RPS6KA2: variants seen among roughly 807,000 people sequenced by gnomAD.
The protein encoded by RPS6KA2 is ribosomal protein S6 kinase A2, also known as ribosomal protein S6 kinase alpha-2.
In RPS6KA2, 42 loss-of-function variants were observed where a neutral mutation model predicts 91.8. The ratio of observed to expected loss-of-function variants is 0.46; its 90% CI spans 0.36 to 0.59. The LOEUF (loss-of-function observed/expected upper bound fraction) is 0.59, where lower values mean the gene tolerates loss of function less well. Among genes scored for constraint, RPS6KA2 ranks in the 20% least tolerant of loss-of-function variants. RPS6KA2 has a pLI of 0.00. For missense variants in RPS6KA2, 798 were observed against 978.5 expected, an observed-to-expected ratio of 0.82 and a Z score of 2.46; for synonymous variants, 414 against 393.6, an observed-to-expected ratio of 1.05 and a Z score of -0.61.
chr6:166,497,216 A>G (rs1182531269), intron 8 of RPS6KA2, among the ~76,000 whole-genome samples: 2 of 152,232 alleles, frequency 1.3e-5, no homozygotes, highest in Admixed American at 1.3e-4. Flanking sequence ...GGTCTGAATA[A>G]TAGTAAAAAA....
Position 166,823,664 on chromosome 6 carries a change from C to T in RPS6KA2, c.123+34536G>A, listed in dbSNP as rs558638947. 1.3e-3 allele frequency among the ~76,000 whole-genome samples: 192 copies of T among 151,968 alleles called. 2 individuals are homozygous for T. The highest frequency in any genetic ancestry group is 4.4e-3 in the African/African-American group (183 of 41,428). On this transcript the variant is annotated intron_variant, in intron 2 of 21. Transcript: ENST00000503859. ...AGCAAGAAAGTTCCTAGTGTTATTC[C>T]CTCAACTTCTGCAATTGCTCAAAAT...
intron 2 of RPS6KA2, among the ~76,000 whole-genome samples, chr6:166,772,624 G>A (rs62438720): frequency 0.19 from 29,024 of 152,034 alleles, 3,154 homozygotes; most frequent in Non-Finnish European, 0.25. Flanking sequence ...CAAATGTGCC[G>A]CAATGTTGTG....
At chr6:166,624,818 A>G (rs1562349505) in intron 1 of RPS6KA2, among the ~76,000 whole-genome samples, 1 of 152,194 alleles carries the variant, frequency 6.6e-6, no homozygotes, top group East Asian at 1.9e-4. Flanking sequence ...TTTGTAAAAA[A>G]GAGAGCATTG....
chr6:166,449,517 T>C (rs28686929), intron 13 of RPS6KA2, among the ~76,000 whole-genome samples: 3 of 152,136 alleles, frequency 2.0e-5, no homozygotes, highest in Non-Finnish European at 2.9e-5. Context: ...ATTTATTAGG[T>C]GGGAAACTCA....
At chr6:166,840,889 G>A (rs1401870099) in intron 2 of RPS6KA2, among the ~76,000 whole-genome samples, 1 of 152,116 alleles carries the variant, frequency 6.6e-6, no homozygotes, top group Non-Finnish European at 1.5e-5. Flanking sequence ...CTTGAACCCA[G>A]GAGGCAGAGG....
At chr6:166,830,981 G>C (rs1780169676) in intron 2 of RPS6KA2, among the ~76,000 whole-genome samples, 1 of 152,300 alleles carries the variant, frequency 6.6e-6, no homozygotes, top group African/African-American at 2.4e-5. Context: ...ACACGCTGTG[G>C]TTGGGGAGTT....
chr6:166,440,582 A>G (rs1432671994), intron 14 of RPS6KA2, among the ~76,000 whole-genome samples: 1 of 152,256 alleles, frequency 6.6e-6, no homozygotes, highest in African/African-American at 2.4e-5. Flanking sequence ...TATTTTGGAA[A>G]AATTGGATTC....
Position 166,788,268 on chromosome 6 carries a change from G to A in RPS6KA2, c.123+69932C>T, listed in dbSNP as rs189792223. 2.8e-3 allele frequency among the ~76,000 whole-genome samples: 423 copies of A among 152,322 alleles called. 4 individuals carry two copies. The highest frequency in any genetic ancestry group is 9.4e-3 in the African/African-American group (390 of 41,572). ...GTAACTCGGTTCAACCATTGTGGAG[G>A]ACAGTGTGGCGATTCCTCAAGGATC... On this transcript the variant is annotated intron_variant, in intron 2 of 21. Transcript: ENST00000503859.
intron 3 of RPS6KA2, among the ~76,000 whole-genome samples, chr6:166,528,904 TA>T (rs1466535609): frequency 2.5e-4 from 38 of 152,238 alleles, no homozygotes; most frequent in African/African-American, 8.9e-4. Context: ...TGGTGATCAT[TA>T]AAAAGTCAGG....
intron 2 of RPS6KA2, among the ~76,000 whole-genome samples, chr6:166,716,649 T>C (rs1468929547): frequency 6.6e-6 from 1 of 152,184 alleles, no homozygotes; most frequent in African/African-American, 2.4e-5. Context: ...GAAGTCAGAA[T>C]GGAAAAGGGG....
intron 2 of RPS6KA2, among the ~76,000 whole-genome samples, chr6:166,664,626 A>G (rs1188272909): frequency 6.6e-6 from 1 of 152,278 alleles, no homozygotes; most frequent in Non-Finnish European, 1.5e-5. Context: ...AACTTAAAAA[A>G]TATTGAATGG....
At chr6:166,424,851 T>C (rs111620594) in intron 16 of RPS6KA2, among the ~76,000 whole-genome samples, 1,648 of 152,308 alleles carry the variant, frequency 0.011, 28 homozygotes, top group African/African-American at 0.036. Flanking sequence ...GGCCAAAGTA[T>C]TTTTTTGGCT....
intron 1 of RPS6KA2, among the ~76,000 whole-genome samples, chr6:166,620,099 C>T (rs1786570933): frequency 6.6e-6 from 1 of 152,194 alleles, no homozygotes; most frequent in Non-Finnish European, 1.5e-5. Context: ...CCACAGCAGG[C>T]CCCAGGCTTG....
intron 2 of RPS6KA2, among the ~76,000 whole-genome samples, chr6:166,675,991 C>T (rs1212147959): frequency 2.0e-5 from 3 of 152,146 alleles, no homozygotes; most frequent in Non-Finnish European, 4.4e-5. Flanking sequence ...AAACAGGCTT[C>T]GCCGTAAGGG....
intron 14 of RPS6KA2, among the ~76,000 whole-genome samples, chr6:166,447,992 G>C (rs1779732344): frequency 6.6e-6 from 1 of 152,160 alleles, no homozygotes; most frequent in Non-Finnish European, 1.5e-5. Context: ...TTAGCAGGAA[G>C]CTTTACCTTT....
At chr6:166,519,274 A>C (rs910588138) in intron 3 of RPS6KA2, among the ~76,000 whole-genome samples, 2 of 152,228 alleles carry the variant, frequency 1.3e-5, no homozygotes, top group African/African-American at 2.4e-5. Flanking sequence ...CATTTGGCCC[A>C]GGCTATAGCG....
chr6:166,483,753 T>A (rs1781315366), intron 10 of RPS6KA2, among the ~76,000 whole-genome samples: 1 of 152,146 alleles, frequency 6.6e-6, no homozygotes, highest in Non-Finnish European at 1.5e-5. Flanking sequence ...CTCTGGCTGG[T>A]CGGGTGCCAA....
intron 2 of RPS6KA2, among the ~76,000 whole-genome samples, chr6:166,647,298 G>A (rs1223652589): frequency 1.3e-5 from 2 of 152,026 alleles, no homozygotes; most frequent in African/African-American, 2.4e-5. Flanking sequence ...CATCCTGTGC[G>A]TTTGATCGCT....
chr6:166,567,589 G>C (rs1784541637), intron 1 of RPS6KA2, among the ~76,000 whole-genome samples: 1 of 152,164 alleles, frequency 6.6e-6, no homozygotes, highest in South Asian at 2.1e-4. Context: ...TTTGCCCAGG[G>C]GACTAGCTTA....
Sources: gnomAD v4.1 joint callset for allele counts (sites outside exome capture counted in the v4.1 genomes callset) on GRCh38, gnomAD v4.1.1 for gene constraint, MANE v1.5 for transcripts, NCBI Gene and HGNC (gene_info 2026-07-23, HGNC 2026-07-21) for gene names.